Variants in SNTG1 observed in about 807,000 individuals in gnomAD.
The protein encoded by SNTG1 is gamma-1-syntrophin.
A neutral mutation model predicts 74.7 loss-of-function variants in SNTG1; 39 were observed. The observed-to-expected ratio is 0.52, with a 90% CI of 0.40 to 0.68. The LOEUF is 0.68. Ranked by LOEUF, SNTG1 falls within the 30% of genes least tolerant of loss-of-function variation. The pLI is 0.00. For missense variants in SNTG1, 685 were observed against 609.5 expected (o/e 1.12, Z -1.30); for synonymous variants, 254 against 217.1 (o/e 1.17, Z -1.49).
At chr8:49,978,610 C>T (rs185057637) in intron 1 of SNTG1, among the ~76,000 whole-genome samples, 57 of 151,978 alleles carry the variant, frequency 3.8e-4, no homozygotes, top group Admixed American at 7.2e-4. Flanking sequence ...TTGTAAAGGC[C>T]CATGTTTCAT....
At chr8:50,506,051 C>A (rs1158912182) in intron 9 of SNTG1, among the ~76,000 whole-genome samples, 1 of 151,998 alleles carries the variant, frequency 6.6e-6, no homozygotes, top group Non-Finnish European at 1.5e-5. Context: ...AAGTGCCCAA[C>A]ATTCTTTTGC....
At chr8:50,201,191 T>C (rs1436226860) in intron 2 of SNTG1, among the ~76,000 whole-genome samples, 2 of 152,196 alleles carry the variant, frequency 1.3e-5, no homozygotes, top group Non-Finnish European at 2.9e-5. Flanking sequence ...AGACAATTAA[T>C]AATGAAGTTT....
At chr8:50,716,987 C>G (rs1367968895) in intron 17 of SNTG1, among the ~76,000 whole-genome samples, 1 of 152,118 alleles carries the variant, frequency 6.6e-6, no homozygotes, top group Admixed American at 6.5e-5. Flanking sequence ...CCGCCTGCCT[C>G]AGCCTCCCAA....
rs185799921 is a variant in SNTG1, at chr8:50,537,249, C to G, written c.680+441C>G. Reference sequence around the variant, plus strand: ...AGGTGATCCTCCCACTTCAGCCTCCCGAGTAGCTGGGACTGCAGGCACATG... The same window carrying G: ...AGGTGATCCTCCCACTTCAGCCTCCGGAGTAGCTGGGACTGCAGGCACATG... On this transcript the variant is annotated intron_variant, in intron 11 of 18. Coordinates refer to ENST00000642720, the MANE Select transcript of SNTG1 (RefSeq NM_018967.5). Among the ~76,000 whole-genome samples the G allele has an allele frequency of 1.3e-4, 20 of 152,172 alleles. No homozygotes were observed. The East Asian group carries it at 2.9e-3, about 22-fold the overall frequency.
intron 9 of SNTG1, among the ~76,000 whole-genome samples, chr8:50,513,604 C>A (rs1453809779): frequency 1.3e-5 from 2 of 152,242 alleles, no homozygotes; most frequent in Non-Finnish European, 1.5e-5. Context: ...CCTACTCAAG[C>A]CTTGGCAATG....
chr8:50,277,345 A>C (rs1341095403), intron 2 of SNTG1, among the ~76,000 whole-genome samples: 2 of 151,948 alleles, frequency 1.3e-5, no homozygotes, highest in Non-Finnish European at 2.9e-5. Context: ...TAATGAATAA[A>C]TCTAATTATG....
chr8:50,501,107 C>T (rs1306706951), intron 8 of SNTG1, among the ~76,000 whole-genome samples: 4 of 152,106 alleles, frequency 2.6e-5, no homozygotes, highest in South Asian at 4.1e-4. Context: ...GCTGGCTTCC[C>T]GTTGTCACCG....
chr8:50,535,298 C>T (rs1395224132), intron 10 of SNTG1, among the ~76,000 whole-genome samples: 1 of 152,150 alleles, frequency 6.6e-6, no homozygotes, highest in Admixed American at 6.6e-5. Flanking sequence ...TGTTCTGATT[C>T]TGACTTGCAG....
At chr8:50,554,033 T>C (rs1376414298) in intron 12 of SNTG1, among the ~76,000 whole-genome samples, 1 of 152,166 alleles carries the variant, frequency 6.6e-6, no homozygotes, top group Non-Finnish European at 1.5e-5. Flanking sequence ...TATAACTCTG[T>C]CACCAGCACG....
intron 2 of SNTG1, among the ~76,000 whole-genome samples, chr8:50,330,920 A>G (rs1443585925): frequency 2.0e-5 from 3 of 152,202 alleles, no homozygotes; most frequent in Non-Finnish European, 2.9e-5. Context: ...ACATGTGAGG[A>G]TTAACAATTC....
intron 1 of SNTG1, among the ~76,000 whole-genome samples, chr8:50,157,666 A>G (rs1460545921): frequency 1.3e-5 from 2 of 152,122 alleles, no homozygotes; most frequent in Non-Finnish European, 2.9e-5. Flanking sequence ...ATAAAATGTG[A>G]TATTTAGGAC....
chr8:50,578,284 G>A (rs1412619728), intron 12 of SNTG1, among the ~76,000 whole-genome samples: 3 of 152,182 alleles, frequency 2.0e-5, no homozygotes, highest in African/African-American at 7.2e-5. Flanking sequence ...TGGTACATGG[G>A]CATAGCCTTT....
At chr8:50,216,494 A>G (rs1342871533) in intron 2 of SNTG1, among the ~76,000 whole-genome samples, 1 of 152,192 alleles carries the variant, frequency 6.6e-6, no homozygotes, top group Non-Finnish European at 1.5e-5. Flanking sequence ...TATACTGTTA[A>G]GAGTAGCAAC....
chr8:50,117,569 C>G (rs2080865448), intron 1 of SNTG1, among the ~76,000 whole-genome samples: 1 of 152,132 alleles, frequency 6.6e-6, no homozygotes, highest in Non-Finnish European at 1.5e-5. Flanking sequence ...GGGCATGGCA[C>G]CAGTCCTCAT....
chr8:50,471,086 G>A (rs1240664150), intron 8 of SNTG1, among the ~76,000 whole-genome samples: 1 of 152,194 alleles, frequency 6.6e-6, no homozygotes, highest in East Asian at 1.9e-4. Flanking sequence ...GCTGATTGGT[G>A]CATTTACAAT....
intron 9 of SNTG1, among the ~76,000 whole-genome samples, chr8:50,529,336 G>A (rs1156471261): frequency 6.6e-6 from 1 of 151,908 alleles, no homozygotes; most frequent in Non-Finnish European, 1.5e-5. Flanking sequence ...TACAGAATGT[G>A]AGAGTAATAA....
rs566743226 is a variant in SNTG1 at position 50,513,615 on chromosome 8, G to A, written c.466+10735G>A. 2.6e-5 allele frequency among the ~76,000 whole-genome samples: 4 copies of A among 152,354 alleles called. No individual in the cohort carries two copies. In the South Asian group the frequency reaches 8.3e-4, roughly 32 times the overall value. On this transcript the variant is annotated intron_variant, in intron 9 of 18. Coordinates refer to ENST00000642720, the MANE Select transcript of SNTG1 (RefSeq NM_018967.5). ...TCTACCTACTCAAGCCTTGGCAATG[G>A]CGGATGCCCCTCCCCAGCCTCACTG...
chr8:50,728,573 T>C (rs545065870), intron 17 of SNTG1, among the ~76,000 whole-genome samples: 3 of 152,294 alleles, frequency 2.0e-5, no homozygotes, highest in African/African-American at 7.2e-5. Context: ...TGGTGGCACC[T>C]TGAGCACTCA....
Position 50,570,591 on chromosome 8 carries a change from GTTATTATTATTA to G in SNTG1, c.810+17433_810+17444del, listed in dbSNP as rs61229968. ...TATTATTATTATTATTATTATTGTT[GTTATTATTATTA>G]TTATTATTATTATTATTATTTAGGT... On this transcript the variant is annotated intron_variant, in intron 12 of 18. Coordinates refer to ENST00000642720, the MANE Select transcript of SNTG1 (RefSeq NM_018967.5). 1.8e-3 allele frequency among the ~76,000 whole-genome samples: 229 copies of G among 130,154 alleles called. 1 individual carries two copies. Among genetic ancestry groups the G allele is most frequent in the African/African-American group, 6.4e-3 (220 of 34,220 alleles). The allele number at this position is 130,154 out of a possible 152,430, so 85.4% of individuals were successfully genotyped here.
Sources: allele counts gnomAD v4.1 joint callset (sites outside exome capture counted in the v4.1 genomes callset), GRCh38; gene constraint gnomAD v4.1.1; transcripts MANE v1.5; gene names NCBI Gene and HGNC (gene_info 2026-07-23, HGNC 2026-07-21).